YIPF7: variants seen among roughly 807,000 people sequenced by gnomAD.
The protein encoded by YIPF7 is Yip1 domain family member 7.
Under a neutral mutation model 27.2 loss-of-function variants are expected in YIPF7, and 35 were observed. The observed-to-expected ratio is 1.29, with a 90% CI of 0.98 to 1.70. YIPF7 has a LOEUF of 1.70. YIPF7 is among the 40% of genes most tolerant of loss of function. The pLI is 0.00. For synonymous variants in YIPF7, 137 were observed against 110.4 expected, an observed-to-expected ratio of 1.24 and a Z score of -1.51; for missense variants, 358 against 303.7, an observed-to-expected ratio of 1.18 and a Z score of -1.33.
At chr4:44,642,227 C>G (rs1462590448) in intron 2 of YIPF7, among the ~76,000 whole-genome samples, 2 of 152,090 alleles carry the variant, frequency 1.3e-5, no homozygotes, top group African/African-American at 4.8e-5. Flanking sequence ...CAAAGAGAAA[C>G]AAAATTTTAC....
At chr4:44,637,956 G>T (rs1302416228) in intron 2 of YIPF7, among the ~76,000 whole-genome samples, 1 of 152,066 alleles carries the variant, frequency 6.6e-6, no homozygotes, top group Non-Finnish European at 1.5e-5. Flanking sequence ...GTATTCAAAA[G>T]TGACTAATAT....
intron 3 of YIPF7, among the ~76,000 whole-genome samples, chr4:44,631,018 T>G (rs1180846306): frequency 6.6e-6 from 1 of 152,230 alleles, no homozygotes; most frequent in African/African-American, 2.4e-5. Context: ...TGCTATGGAC[T>G]CCACAAGATT....
At position 44,622,204 on chromosome 4, in the gene YIPF7, A is replaced by G; in HGVS notation, c.*210T>C. The G allele has an allele frequency of 1.7e-6, 1 of 589,002 alleles. No homozygotes were observed. The highest frequency in any genetic ancestry group is 3.0e-5 in the East Asian group (1 of 33,612). 36.5% of individuals were successfully genotyped at this position (589,002 alleles called of 1,614,324 possible). On this transcript the variant is annotated 3_prime_UTR_variant, in exon 6 of 6. Transcript: ENST00000415895. ...ATCCCTTTTGATTTTAAGTATTTTGAAATGTTTTAATGCACCAAACTCAAA... is the reference window on the plus strand; with the variant it reads ...ATCCCTTTTGATTTTAAGTATTTTGGAATGTTTTAATGCACCAAACTCAAA...
upstream of YIPF7, among the ~76,000 whole-genome samples, chr4:44,654,933 C>T (rs1176537993): frequency 3.9e-5 from 6 of 151,912 alleles, no homozygotes; most frequent in Non-Finnish European, 1.5e-5. Flanking sequence ...ACAAAGCTCA[C>T]TTAAAAAGAC....
At chr4:44,656,557 G>A (rs556186102), upstream of YIPF7, among the ~76,000 whole-genome samples, 7 of 152,092 alleles carry the variant, frequency 4.6e-5, no homozygotes, top group East Asian at 1.9e-4. Context: ...AATTGAGTAC[G>A]GTAGCTGGCA....
At position 44,651,598 on chromosome 4, in the gene YIPF7, T is replaced by A; in HGVS notation, c.-46A>T. The A allele has an allele frequency of 1.3e-6, 2 of 1,589,142 alleles. No individual in the cohort carries two copies. The highest frequency in any genetic ancestry group is 1.7e-6 in the Non-Finnish European group (2 of 1,166,114). ...AAAGATCCTCCAGTAAATGTAGCTT[T>A]GTGTGAGAAATTTTAAGCAAATCCA... On this transcript the variant is annotated 5_prime_UTR_variant, in exon 1 of 6. Transcript: ENST00000415895.
At chr4:44,630,089 C>A (rs1339388034) in intron 3 of YIPF7, among the ~76,000 whole-genome samples, 1 of 152,180 alleles carries the variant, frequency 6.6e-6, no homozygotes, top group East Asian at 1.9e-4. Context: ...CTGGCTCAGC[C>A]TCTTGAGTAG....
At chr4:44,660,125 A>AAAAAAAAAAAAAAAAAC (rs1560332843) in intron 2 of YIPF7, among the ~76,000 whole-genome samples, 1 of 146,200 alleles carries the variant, frequency 6.8e-6, no homozygotes, top group Non-Finnish European at 1.5e-5. Context: ...AAAAAAAAAA[A>AAAAAAAAAAAAAAAAAC]AAAAAAAAAA....
upstream of YIPF7, among the ~76,000 whole-genome samples, chr4:44,653,466 G>T (rs1713799285): frequency 6.6e-6 from 1 of 152,052 alleles, no homozygotes; most frequent in Non-Finnish European, 1.5e-5. Context: ...CATGGCAACT[G>T]AGGAAAAGAT....
chr4:44,650,332 G>C (rs76829683), intron 1 of YIPF7, among the ~76,000 whole-genome samples: 4,209 of 152,176 alleles, frequency 0.028, 187 homozygotes, highest in African/African-American at 0.097. Flanking sequence ...TTCGCACCCT[G>C]GACTGTGGCT....
At chr4:44,656,543 G>C (rs1713905832), upstream of YIPF7, among the ~76,000 whole-genome samples, 1 of 151,924 alleles carries the variant, frequency 6.6e-6, no homozygotes, top group African/African-American at 2.4e-5. Context: ...TTTGCAAAAG[G>C]TACAATTGAG....
chr4:44,647,136 A>G (rs1260275165), intron 2 of YIPF7, among the ~76,000 whole-genome samples: 1 of 152,164 alleles, frequency 6.6e-6, no homozygotes, highest in Non-Finnish European at 1.5e-5. Context: ...TTAGATTTAA[A>G]TGCTAAGCAT....
chr4:44,626,169 C>T (rs1156994037), intron 4 of YIPF7, among the ~76,000 whole-genome samples: 2 of 152,160 alleles, frequency 1.3e-5, no homozygotes, highest in Non-Finnish European at 2.9e-5. Context: ...CTGACTTTTG[C>T]TGGCAGAATT....
chr4:44,622,531 A>G lies in YIPF7; in HGVS notation c.654T>C (p.Cys218=), dbSNP rs767984005. 1.9e-6 allele frequency: 3 copies of G among 1,613,890 alleles called. No individual in the cohort carries two copies. Among genetic ancestry groups the G allele is most frequent in the Admixed American group, 3.3e-5 (2 of 60,014 alleles). The part of the protein sequence containing the change: ...IMSSLVIIGW[C]SLSASKIFIA... ...TGAAGATCTTGGAAGCTGAGAGACT[A>G]CACCAGCCAATGATGACCAGGGATG... The change falls in exon 6 of 6, where the codon TGT becomes TGC. Residue 218 remains cysteine, a synonymous_variant. Transcript: ENST00000415895.
rs1430232466 is a variant in YIPF7, at chr4:44,629,424, G to A, written c.405C>T (p.Ala135=). Residue 135 remains alanine, a synonymous_variant, in exon 4 of 6, where the codon GCC becomes GCT. Transcript: ENST00000415895. ...DLTGPILFCV[A]LGATLLLAGK... ...TTACCAGAAGCAAGGTGGCTCCCAG[G>A]GCTACGCAAAAAAGAATGGGTCCAG... 10 of 1,595,892 alleles carry A rather than the reference G, an allele frequency of 6.3e-6. No individual in the cohort carries two copies. The highest frequency in any genetic ancestry group is 7.7e-6 in the Non-Finnish European group (9 of 1,171,344).
At chr4:44,651,654 T>G, upstream of YIPF7, 1 of 1,504,328 alleles carries the variant, frequency 6.6e-7, no homozygotes, top group Non-Finnish European at 8.9e-7. Flanking sequence ...TGGCTATATA[T>G]ATACCTTTCT....
chr4:44,636,095 G>T lies in YIPF7; in HGVS notation c.117-10C>A, dbSNP rs752010046. On this transcript the variant is annotated splice_polypyrimidine_tract_variant and intron_variant, in intron 2 of 5. Transcript: ENST00000415895. Reference sequence around the variant, plus strand: ...CTCACCAGCTTGTTGTCTAGAAAAAGAAAAATACAAACATTTACATGTCTA... The same window carrying T: ...CTCACCAGCTTGTTGTCTAGAAAAATAAAAATACAAACATTTACATGTCTA... 1 of 1,592,010 alleles carries T rather than the reference G, an allele frequency of 6.3e-7. No homozygotes were observed. The highest frequency in any genetic ancestry group is 1.8e-5 in the Admixed American group (1 of 56,168).
At chr4:44,632,927 C>T (rs1211857531) in intron 3 of YIPF7, among the ~76,000 whole-genome samples, 1 of 152,162 alleles carries the variant, frequency 6.6e-6, no homozygotes, top group African/African-American at 2.4e-5. Context: ...CTGCCCATGG[C>T]CTGTTAGGAA....
intron 4 of YIPF7, among the ~76,000 whole-genome samples, chr4:44,625,685 G>C (rs769066362): frequency 2.0e-5 from 3 of 152,122 alleles, no homozygotes; most frequent in Non-Finnish European, 4.4e-5. Flanking sequence ...TGCTCATAAA[G>C]CTAGTGTTTT....
Sources: allele counts gnomAD v4.1 joint callset (sites outside exome capture counted in the v4.1 genomes callset), GRCh38; gene constraint gnomAD v4.1.1; transcripts MANE v1.5; gene names NCBI Gene and HGNC (gene_info 2026-07-23, HGNC 2026-07-21).